Variants in CLIC2 observed in about 807,000 individuals in gnomAD.
CLIC2 encodes chloride intracellular channel protein 2.
Under a neutral mutation model 14.8 loss-of-function variants are expected in CLIC2, and 9 were observed. The ratio of observed to expected loss-of-function variants is 0.61; its 90% CI spans 0.37 to 1.06. The LOEUF is 1.06. Ranked by LOEUF, CLIC2 falls within the 50% of genes least tolerant of loss-of-function variation. The pLI is 0.01. For missense variants in CLIC2, 148 were observed against 181.4 expected, an observed-to-expected ratio of 0.82 and a Z score of 1.06; for synonymous variants, 61 against 66.3, an observed-to-expected ratio of 0.92 and a Z score of 0.39.
intron 1 of CLIC2, among the ~76,000 whole-genome samples, chrX:155,325,787 TATATA>T (rs2075134960): frequency 1.2e-5 from 1 of 86,945 alleles, no homozygotes; most frequent in Non-Finnish European, 2.3e-5. Context: ...TATATATATA[TATATA>T]TATATATATA....
At chrX:155,300,345 T>C (rs1311589655) in intron 1 of CLIC2, among the ~76,000 whole-genome samples, 2 of 110,543 alleles carry the variant, frequency 1.8e-5, no homozygotes, top group African/African-American at 6.6e-5. Context: ...GAGCATTTTT[T>C]CATGTGTTTT....
At chrX:155,280,220 T>A in intron 3 of CLIC2, 152 bp from the exon 4 acceptor site, 1 of 466,483 alleles carries the variant, frequency 2.1e-6, no homozygotes. Flanking sequence ...TTATATTTTT[T>A]CCAATCTCAG....
intron 1 of CLIC2, among the ~76,000 whole-genome samples, chrX:155,302,340 C>A (rs1366936870): frequency 9.1e-6 from 1 of 109,504 alleles, no homozygotes; most frequent in Non-Finnish European, 1.9e-5. Flanking sequence ...TTATCCATTT[C>A]GTCTAGATTT....
At chrX:155,324,157 G>T (rs1193435975) in intron 1 of CLIC2, among the ~76,000 whole-genome samples, 1 of 112,255 alleles carries the variant, frequency 8.9e-6, no homozygotes, top group Non-Finnish European at 1.9e-5. Context: ...TTTCTTCACA[G>T]AATTGGAATA....
chrX:155,320,976 C>G (rs1390514775), intron 1 of CLIC2, among the ~76,000 whole-genome samples: 1 of 111,022 alleles, frequency 9.0e-6, no homozygotes, highest in Non-Finnish European at 1.9e-5. Flanking sequence ...GGTTGAAGAT[C>G]AACTTAATGA....
chrX:155,294,478 A>G (rs782694299), intron 3 of CLIC2, among the ~76,000 whole-genome samples: 16 of 112,089 alleles, frequency 1.4e-4, no homozygotes, highest in South Asian at 3.7e-4. Flanking sequence ...ACAATCTAAT[A>G]ATGTATGTGA....
At position 155,316,916 on chromosome X, in the gene CLIC2, C is replaced by T. The variant is rs782125750; in HGVS notation, c.57+17455G>A. Among the ~76,000 whole-genome samples the T allele has an allele frequency of 8.1e-4, 90 of 110,836 alleles. 1 individual carries two copies. Among genetic ancestry groups the T allele is most frequent in the Non-Finnish European group, 1.4e-3 (75 of 52,962 alleles). ...ATGCTGGCAGCTAATAAGATGCTGC[C>T]CAATCAGATTAAGGGTGGGTGTGCC... On this transcript the variant is annotated intron_variant, in intron 1 of 5. Transcript: ENST00000369449.
rs1325997085 is a variant in CLIC2 at position 155,333,392 on chromosome X, T to C, written c.57+979A>G. On this transcript the variant is annotated intron_variant, in intron 1 of 5. Coordinates refer to ENST00000369449, the MANE Select transcript of CLIC2 (RefSeq NM_001289.6). ...TAATAACTACTACTATCACTACTAC[T>C]ACTGATGATGCTAGTACTATACAAG... Among the ~76,000 whole-genome samples the C allele has an allele frequency of 1.6e-4, 18 of 110,985 alleles. 1 individual carries two copies. In the Admixed American group the frequency reaches 1.7e-3, roughly 11 times the overall value.
intron 1 of CLIC2, among the ~76,000 whole-genome samples, chrX:155,305,592 C>T (rs1330110262): frequency 8.9e-6 from 1 of 112,550 alleles, no homozygotes; most frequent in East Asian, 2.8e-4. Context: ...GCCATCTTGG[C>T]TCCTCCCTCC....
At chrX:155,319,800 G>A (rs1286377625) in intron 1 of CLIC2, among the ~76,000 whole-genome samples, 2 of 112,162 alleles carry the variant, frequency 1.8e-5, no homozygotes, top group Non-Finnish European at 3.8e-5. Flanking sequence ...AGCAAGCTAA[G>A]ATCCACTGGC....
rs1291529010 is a variant in CLIC2, at chrX:155,323,957, C to A, written c.57+10414G>T. ...AAAGAGAATAAAATACCTAGAAATACAACTTACAAGGGATGTGAAGGACCT... is the reference window on the plus strand; with the variant it reads ...AAAGAGAATAAAATACCTAGAAATAAAACTTACAAGGGATGTGAAGGACCT... On this transcript the variant is annotated intron_variant, in intron 1 of 5. Coordinates refer to ENST00000369449, the MANE Select transcript of CLIC2 (RefSeq NM_001289.6). Among the ~76,000 whole-genome samples the A allele has an allele frequency of 3.6e-5, 4 of 112,038 alleles. No individual in the cohort carries two copies. The Admixed American group carries it at 3.8e-4, about 11-fold the overall frequency.
chrX:155,311,501 G>T (rs1557320573), intron 1 of CLIC2, among the ~76,000 whole-genome samples: 1 of 111,557 alleles, frequency 9.0e-6, no homozygotes, highest in African/African-American at 3.3e-5. Context: ...CAGCATTTTG[G>T]TCAAAGCCAT....
At chrX:155,311,322 C>T (rs2075073632) in intron 1 of CLIC2, among the ~76,000 whole-genome samples, 1 of 111,384 alleles carries the variant, frequency 9.0e-6, no homozygotes, top group Non-Finnish European at 1.9e-5. Flanking sequence ...TGCCAGATAC[C>T]CTAAATCATC....
intron 1 of CLIC2, among the ~76,000 whole-genome samples, chrX:155,309,420 C>A (rs1301876956): frequency 2.7e-5 from 3 of 112,012 alleles, no homozygotes; most frequent in African/African-American, 9.7e-5. Flanking sequence ...ACCATGATAC[C>A]AAAACCAAAG....
chrX:155,304,226 C>T lies in CLIC2; in HGVS notation c.58-5081G>A, dbSNP rs1219770898. On this transcript the variant is annotated intron_variant, in intron 1 of 5. Transcript: ENST00000369449. Reference sequence around the variant, plus strand: ...GTCACTTTCAGGTACACCAATCAGACGTAGATTTGGTCTTTTCACATAGTC... The same window carrying T: ...GTCACTTTCAGGTACACCAATCAGATGTAGATTTGGTCTTTTCACATAGTC... Among the ~76,000 whole-genome samples the T allele has an allele frequency of 5.1e-4, 54 of 104,998 alleles. 2 individuals carry two copies. The East Asian group carries it at 0.015, about 30-fold the overall frequency. 91.2% of individuals were successfully genotyped at this position (104,998 alleles called of 115,157 possible). A position where few individuals can be genotyped will look rare whatever the true frequency, so the allele number is the denominator to read the frequency against.
At chrX:155,292,640 G>T (rs1219324387) in intron 3 of CLIC2, 11 of 234,342 alleles carry the variant, frequency 4.7e-5, no homozygotes, top group Non-Finnish European at 8.3e-5. Context: ...CGTGGTGGCG[G>T]GCGCCTGTAG....
At chrX:155,281,378 T>C (rs187275953) in intron 3 of CLIC2, among the ~76,000 whole-genome samples, 47 of 110,667 alleles carry the variant, frequency 4.2e-4, no homozygotes, top group South Asian at 1.9e-3. Context: ...AAGATAACTA[T>C]ATGAAGCGAT....
At chrX:155,308,076 G>A (rs1557320191) in intron 1 of CLIC2, among the ~76,000 whole-genome samples, 3 of 109,643 alleles carry the variant, frequency 2.7e-5, no homozygotes, top group African/African-American at 6.7e-5. Flanking sequence ...ACTAAATAAG[G>A]CACTAGGGAC....
At chrX:155,306,968 A>G (rs1557320081) in intron 1 of CLIC2, among the ~76,000 whole-genome samples, 1 of 111,508 alleles carries the variant, frequency 9.0e-6, no homozygotes. Context: ...GATTGAAAAC[A>G]CTTTTTCTGC....
Sources: gnomAD v4.1 joint callset for allele counts (sites outside exome capture counted in the v4.1 genomes callset) on GRCh38, gnomAD v4.1.1 for gene constraint, MANE v1.5 for transcripts, NCBI Gene and HGNC (gene_info 2026-07-23, HGNC 2026-07-21) for gene names.